Variants in POMGNT1 observed in about 807,000 individuals in gnomAD.
POMGNT1 encodes protein O-linked mannose N-acetylglucosaminyltransferase 1 (beta 1,2-), also known as protein O-linked-mannose beta-1,2-N-acetylglucosaminyltransferase 1.
Under a neutral mutation model 95.6 loss-of-function variants are expected in POMGNT1, and 67 were observed. The observed-to-expected ratio is 0.70, with a 90% CI of 0.58 to 0.86. The LOEUF (loss-of-function observed/expected upper bound fraction) is 0.86. POMGNT1 is among the 40% of genes least tolerant of loss of function. The pLI is 0.00. For synonymous variants in POMGNT1, 298 were observed against 317.9 expected, an observed-to-expected ratio of 0.94 and a Z score of 0.66; for missense variants, 719 against 855.2, an observed-to-expected ratio of 0.84 and a Z score of 1.99.
At chr1:46,208,300 T>G in intron 1 of POMGNT1, among the ~76,000 whole-genome samples, 1 of 152,202 alleles carries the variant, frequency 6.6e-6, no homozygotes, top group East Asian at 1.9e-4. Flanking sequence ...CCAACCACAC[T>G]GAATTTTAAG....
intron 1 of POMGNT1, among the ~76,000 whole-genome samples, chr1:46,212,043 T>G (rs1051562524): frequency 1.3e-5 from 2 of 152,080 alleles, no homozygotes; most frequent in Non-Finnish European, 2.9e-5. Flanking sequence ...ATTACAGGAG[T>G]GAGCTACCAC....
At chr1:46,200,907 C>T (rs1193623646), upstream of POMGNT1, among the ~76,000 whole-genome samples, 18 of 151,410 alleles carry the variant, frequency 1.2e-4, no homozygotes, top group African/African-American at 3.9e-4. Flanking sequence ...GAGGCCAAGG[C>T]GGGTGGATCA....
upstream of POMGNT1, chr1:46,198,524 CGGCGGCGGCGGCGGCGGT>C (rs1047925597): frequency 4.2e-5 from 6 of 141,898 alleles, no homozygotes; most frequent in South Asian, 2.0e-4. Context: ...CTTAGGGCGG[CGGCGGCGGCGGCGGCGGT>C]GGCGGCAGCG....
In POMGNT1 at chr1:46,192,147, C is replaced by A. The variant is rs573518562; in HGVS notation, c.1490G>T (p.Arg497Leu). Residue 497 changes from arginine (R) to leucine (L), a missense_variant, in exon 17 of 22, where the codon CGA becomes CTA. Arg to Leu is a moderately radical substitution (Grantham distance 102). Coordinates refer to ENST00000371984, the MANE Select transcript of POMGNT1 (RefSeq NM_017739.4). ...GRECIIPDVS[R>L]SYHFGIVGLN... ...GCCGACGATGCCAAAGTGGTAGGAT[C>A]GGGAAACGTCAGGGATGATGCACTC... 6.2e-7 allele frequency: 1 copy of A among 1,613,996 alleles called. No homozygotes were observed. Among genetic ancestry groups the A allele is most frequent in the Non-Finnish European group, 8.5e-7 (1 of 1,179,954 alleles).
chr1:46,210,871 C>T (rs942858721), intron 1 of POMGNT1, among the ~76,000 whole-genome samples: 2 of 151,958 alleles, frequency 1.3e-5, no homozygotes, highest in Non-Finnish European at 2.9e-5. Flanking sequence ...ACTTCTCTGG[C>T]TCAATCAATC....
chr1:46,201,697 CAAAAAAAA>C (rs59930051), upstream of POMGNT1, among the ~76,000 whole-genome samples: 8 of 85,990 alleles, frequency 9.3e-5, no homozygotes, highest in East Asian at 9.1e-4. Flanking sequence ...GACTCCATCT[CAAAAAAAA>C]AAAAAAAAAG....
chr1:46,202,039 G>T (rs1172353929), upstream of POMGNT1, among the ~76,000 whole-genome samples: 2 of 150,186 alleles, frequency 1.3e-5, no homozygotes, highest in Admixed American at 1.3e-4. Flanking sequence ...ACACCTCTAG[G>T]CCCACTCCCA....
chr1:46,210,560 A>AC (rs1211085524), intron 1 of POMGNT1, among the ~76,000 whole-genome samples: 2 of 151,838 alleles, frequency 1.3e-5, no homozygotes, highest in African/African-American at 4.8e-5. Flanking sequence ...GGTTCCTATG[A>AC]CCCCCTCCTT....
At chr1:46,220,037 G>C in exon 1 of POMGNT1, 1 of 1,614,246 alleles carries the variant, frequency 6.2e-7, no homozygotes, top group Non-Finnish European at 8.5e-7. Flanking sequence ...CTGGTGGAGA[G>C]AGGGCCAGGA....
In POMGNT1 at chr1:46,211,165, CT is replaced by C. The variant is rs544459393; in HGVS notation, c.-51+8539del. ...CAAAATGTTATTGGACAAAAAGGGTCTGATCAAAACCCAGCAAAGCCTGTCT... is the reference window on the plus strand; with the variant it reads ...CAAAATGTTATTGGACAAAAAGGGTCGATCAAAACCCAGCAAAGCCTGTCT... On this transcript the variant is annotated intron_variant, in intron 1 of 22. Transcript: ENST00000371992. Among the ~76,000 whole-genome samples, 26 of 152,158 alleles carry C rather than the reference CT, an allele frequency of 1.7e-4. No homozygotes were observed. The East Asian group carries it at 4.6e-3, about 27-fold the overall frequency.
upstream of POMGNT1, among the ~76,000 whole-genome samples, chr1:46,202,800 C>T (rs1264806859): frequency 2.7e-5 from 4 of 146,918 alleles, no homozygotes; most frequent in South Asian, 4.3e-4. Flanking sequence ...ATAATTCATA[C>T]GCACAGTCAA....
At chr1:46,189,695 T>TA in intron 20 of POMGNT1, 128 bp from the exon 21 acceptor site, 1 of 1,548,490 alleles carries the variant, frequency 6.5e-7, no homozygotes, top group Non-Finnish European at 8.7e-7. Context: ...TAGCATCTTT[T>TA]AGAATATGAA....
At chr1:46,208,684 A>G (rs982226242) in intron 1 of POMGNT1, among the ~76,000 whole-genome samples, 5 of 152,074 alleles carry the variant, frequency 3.3e-5, no homozygotes, top group African/African-American at 1.2e-4. Context: ...CTCTACTAAA[A>G]ATACAAAAAT....
rs200177357 is a variant in POMGNT1 at position 46,215,733 on chromosome 1, C to CA, written c.-51+3971dup. Among the ~76,000 whole-genome samples, 1,249 of 151,510 alleles carry CA rather than the reference C, an allele frequency of 8.2e-3. 19 individuals are homozygous for CA. The highest frequency in any genetic ancestry group is 0.037 in the Middle Eastern group (11 of 294). Reference sequence around the variant, plus strand: ...GGGCAACATAGTGAGACCCCATCTACAAAAAAAAATTTAAAAATTAGCCAG... The same window carrying CA: ...GGGCAACATAGTGAGACCCCATCTACAAAAAAAAAATTTAAAAATTAGCCAG... On this transcript the variant is annotated intron_variant, in intron 1 of 22. Transcript: ENST00000371992.
Position 46,189,343 on chromosome 1 carries a change from G to A in POMGNT1, c.1910C>T (p.Pro637Leu), listed in dbSNP as rs1467007123. ...PASPYSVKKP[P>L]SVTPIFLEPP... ...CTCCAGGAAAATTGGGGTGACTGAG[G>A]GTGGCTTCTTCACTCTGGGAAAATA... Residue 637 changes from proline (P) to leucine (L), a missense_variant, in exon 22 of 22, where the codon CCC becomes CTC. Transcript: ENST00000371984. 2.5e-6 allele frequency: 4 copies of A among 1,613,750 alleles called. No individual in the cohort carries two copies. The Admixed American group carries it at 6.7e-5, about 27-fold the overall frequency.
chr1:46,189,833 G>A, intron 20 of POMGNT1, 21 bp downstream of exon 20: 3 of 1,613,440 alleles, frequency 1.9e-6, no homozygotes, highest in Non-Finnish European at 2.5e-6. Context: ...GTTCTCCAGG[G>A]TGGGCATGGT....
At chr1:46,218,357 G>C (rs954657542) in intron 1 of POMGNT1, among the ~76,000 whole-genome samples, 2 of 152,194 alleles carry the variant, frequency 1.3e-5, no homozygotes, top group Non-Finnish European at 2.9e-5. Flanking sequence ...CTGCACTCTA[G>C]CCTGAGTGAC....
chr1:46,190,884 T>A (rs1234290378), intron 17 of POMGNT1, 100 bp from the exon 18 acceptor site: 27 of 1,148,614 alleles, frequency 2.4e-5, no homozygotes, highest in Non-Finnish European at 3.6e-5. Context: ...AATGAAGTCC[T>A]AGACCTGTAA....
At chr1:46,192,487 C>T (rs762030356) in intron 15 of POMGNT1, 31 bp downstream of exon 15, 21 of 1,613,998 alleles carry the variant, frequency 1.3e-5, no homozygotes, top group East Asian at 6.7e-5. Flanking sequence ...CTCATAAACT[C>T]GCCTGCTAAA....
Sources: allele counts gnomAD v4.1 joint callset (sites outside exome capture counted in the v4.1 genomes callset), GRCh38; gene constraint gnomAD v4.1.1; transcripts MANE v1.5; gene names NCBI Gene and HGNC (gene_info 2026-07-23, HGNC 2026-07-21).